KCNQ4: variants seen among roughly 807,000 people sequenced by gnomAD.
KCNQ4 encodes the protein potassium voltage-gated channel subfamily Q member 4.
In KCNQ4, 31 loss-of-function variants were observed where a neutral mutation model predicts 72.6. That is an observed-to-expected ratio of 0.43 (90% CI 0.32 to 0.58). The LOEUF is 0.58. KCNQ4 is among the 20% of genes least tolerant of loss of function. KCNQ4 has a pLI of 0.08. For missense variants in KCNQ4, 869 were observed against 962.6 expected (o/e 0.90, Z 1.29); for synonymous variants, 405 against 403.7 (o/e 1.00, Z -0.04).
intron 1 of KCNQ4, among the ~76,000 whole-genome samples, chr1:40,785,621 A>G (rs1333230297): frequency 1.3e-5 from 2 of 151,282 alleles, no homozygotes; most frequent in African/African-American, 4.9e-5. Context: ...GTTTCCATCC[A>G]TCTGTGGCCT....
intron 1 of KCNQ4, among the ~76,000 whole-genome samples, chr1:40,809,613 G>C (rs890653123): frequency 6.6e-6 from 1 of 152,134 alleles, no homozygotes; most frequent in Non-Finnish European, 1.5e-5. Flanking sequence ...CCTCTTCCCT[G>C]CTGCCACCAC....
chr1:40,787,941 T>C (rs912395525), intron 1 of KCNQ4, among the ~76,000 whole-genome samples: 1 of 152,156 alleles, frequency 6.6e-6, no homozygotes, highest in African/African-American at 2.4e-5. Flanking sequence ...GCCGCAGGCC[T>C]GCCGCTCCCA....
In KCNQ4 at chr1:40,799,052, C is replaced by T. The variant is rs566381676; in HGVS notation, c.314+14645C>T. Among the ~76,000 whole-genome samples the T allele has an allele frequency of 5.3e-4, 81 of 152,390 alleles. No individual in the cohort carries two copies. In the Middle Eastern group the frequency reaches 0.014, roughly 26 times the overall value. ...TCCTAATCCAAGGGCTGCAGCCCTC[C>T]CTCTGTCTTGGCCAGGGCCGTGGGA... is the stretch of plus-strand genomic sequence containing the variant. On this transcript the variant is annotated intron_variant, in intron 1 of 13. Coordinates refer to ENST00000347132, the MANE Select transcript of KCNQ4 (RefSeq NM_004700.4).
At chr1:40,820,309 A>G (rs1400016435) in intron 7 of KCNQ4, 49 bp downstream of exon 7, 10 of 1,448,510 alleles carry the variant, frequency 6.9e-6, no homozygotes, top group Non-Finnish European at 9.5e-6. Flanking sequence ...GTGTGACTGC[A>G]CTGGTGTGTC....
At position 40,820,292 on chromosome 1, in the gene KCNQ4, C is replaced by G. The variant is rs112135594; in HGVS notation, c.1041+32C>G. On this transcript the variant is annotated intron_variant, in intron 7 of 13. Coordinates refer to ENST00000347132, the MANE Select transcript of KCNQ4 (RefSeq NM_004700.4). ...GATGCCCGGGAAGAAGCCCTAGGAG[C>G]AGGGCCGTGTGACTGCACTGGTGTG... is the stretch of plus-strand genomic sequence containing the variant. The G allele has an allele frequency of 4.2e-4, 653 of 1,544,434 alleles. 4 individuals carry two copies. The African/African-American group carries it at 7.7e-3, about 18-fold the overall frequency.
chr1:40,793,205 T>C (rs1270738764), intron 1 of KCNQ4, among the ~76,000 whole-genome samples: 6 of 151,546 alleles, frequency 4.0e-5, no homozygotes, highest in Non-Finnish European at 4.4e-5. Context: ...GGTCTTGCTA[T>C]GTTGTCCAGG....
At chr1:40,832,168 C>A (rs755194391) in intron 10 of KCNQ4, among the ~76,000 whole-genome samples, 10 of 152,264 alleles carry the variant, frequency 6.6e-5, no homozygotes, top group Admixed American at 1.3e-4. Flanking sequence ...TGGAAGACTT[C>A]TCCCAGCTTT....
At position 40,807,555 on chromosome 1, in the gene KCNQ4, G is replaced by T. The variant is rs573510783; in HGVS notation, c.315-9710G>T. ...TTCTTGGAAAGAGCCTCGCTCTGAGGCCTGGCTTACTGCCCCTCCCCTTAT... is the reference window on the plus strand; with the variant it reads ...TTCTTGGAAAGAGCCTCGCTCTGAGTCCTGGCTTACTGCCCCTCCCCTTAT... On this transcript the variant is annotated intron_variant, in intron 1 of 13. Coordinates refer to ENST00000347132, the MANE Select transcript of KCNQ4 (RefSeq NM_004700.4). Among the ~76,000 whole-genome samples the T allele has an allele frequency of 5.9e-5, 9 of 152,314 alleles. No homozygotes were observed. In the South Asian group the frequency reaches 1.9e-3, roughly 32 times the overall value.
At chr1:40,829,083 G>A (rs958386193) in intron 9 of KCNQ4, among the ~76,000 whole-genome samples, 1 of 152,262 alleles carries the variant, frequency 6.6e-6, no homozygotes, top group Non-Finnish European at 1.5e-5. Context: ...TGACAGGGAG[G>A]TTGCCCTCTT....
intron 1 of KCNQ4, among the ~76,000 whole-genome samples, chr1:40,790,750 G>T (rs1647265309): frequency 6.6e-6 from 1 of 152,234 alleles, no homozygotes; most frequent in Non-Finnish European, 1.5e-5. Flanking sequence ...CAGGGAGCCA[G>T]AGAGAGCTAG....
At chr1:40,822,181 TG>T in intron 7 of KCNQ4, 132 bp from the exon 8 acceptor site, 1 of 738,348 alleles carries the variant, frequency 1.4e-6, no homozygotes, top group Non-Finnish European at 2.4e-6. Flanking sequence ...TCAGTGGCTG[TG>T]GAATTGGAAC....
At chr1:40,836,328 A>G (rs1176590070) in intron 12 of KCNQ4, among the ~76,000 whole-genome samples, 2 of 152,202 alleles carry the variant, frequency 1.3e-5, no homozygotes, top group Admixed American at 6.5e-5. Context: ...AAGAGGAAAA[A>G]TCGAGTTGCC....
In KCNQ4 at chr1:40,835,098, G is replaced by A. The variant is rs770523151; in HGVS notation, c.1745G>A (p.Arg582Gln). Residue 582 changes from arginine to glutamine, a missense_variant and splice_region_variant, in exon 12 of 14, where the codon CGG becomes CAG. By Grantham distance (43) the Arg-to-Gln change is conservative. Coordinates refer to ENST00000347132, the MANE Select transcript of KCNQ4 (RefSeq NM_004700.4). ...GGCCGGATCAAGAGCCTGCAAACTC[G>A]GTGGGTGCACCGGGCCTGTTGGGAG... Reference protein sequence around the residue: ...MLGRIKSLQTRVDQIVGRGPG... With the variant: ...MLGRIKSLQTQVDQIVGRGPG... 3 of 1,613,166 alleles carry A rather than the reference G, an allele frequency of 1.9e-6. No homozygotes were observed. Among genetic ancestry groups the A allele is most frequent in the Non-Finnish European group, 2.5e-6 (3 of 1,179,374 alleles).
In KCNQ4 at chr1:40,825,827, A is replaced by C. The variant is rs563399389; in HGVS notation, c.1292+1569A>C. Among the ~76,000 whole-genome samples the C allele has an allele frequency of 2.6e-5, 4 of 152,260 alleles. No homozygotes were observed. The East Asian group carries it at 7.7e-4, about 29-fold the overall frequency. On this transcript the variant is annotated intron_variant, in intron 9 of 13. Transcript: ENST00000347132. Reference sequence around the variant, plus strand: ...TTGACTGAATAGGAAGGCAAGGGGAATGGACATTAGCCTGGGGCCTAGTAC... The same window carrying C: ...TTGACTGAATAGGAAGGCAAGGGGACTGGACATTAGCCTGGGGCCTAGTAC...
chr1:40,830,180 C>G (rs1213408951), intron 9 of KCNQ4, among the ~76,000 whole-genome samples: 1 of 152,120 alleles, frequency 6.6e-6, no homozygotes, highest in East Asian at 1.9e-4. Flanking sequence ...GGATGTCAAT[C>G]AAGGTGGGCT....
At chr1:40,823,553 G>A (rs1309152578) in intron 8 of KCNQ4, among the ~76,000 whole-genome samples, 1 of 152,172 alleles carries the variant, frequency 6.6e-6, no homozygotes, top group Non-Finnish European at 1.5e-5. Flanking sequence ...CAATGGGAAG[G>A]CAGGCAGGAG....
intron 1 of KCNQ4, among the ~76,000 whole-genome samples, chr1:40,797,091 CAG>C (rs1647436978): frequency 1.3e-5 from 2 of 152,348 alleles, no homozygotes; most frequent in South Asian, 4.1e-4. Flanking sequence ...GGCCCTGTGC[CAG>C]ACTCTGGGGA....
At chr1:40,827,405 C>T (rs546234791) in intron 9 of KCNQ4, among the ~76,000 whole-genome samples, 4 of 152,208 alleles carry the variant, frequency 2.6e-5, no homozygotes, top group Middle Eastern at 3.4e-3. Context: ...TGAAGCAGCA[C>T]GGACCCAAGC....
At chr1:40,829,626 ATCTCT>A (rs1453186485) in intron 9 of KCNQ4, among the ~76,000 whole-genome samples, 1 of 151,958 alleles carries the variant, frequency 6.6e-6, no homozygotes, top group Non-Finnish European at 1.5e-5. Flanking sequence ...CGAAACCAGA[ATCTCT>A]TCTCTGCTCA....
Sources: gnomAD v4.1 joint callset for allele counts (sites outside exome capture counted in the v4.1 genomes callset) on GRCh38, gnomAD v4.1.1 for gene constraint, MANE v1.5 for transcripts, NCBI Gene and HGNC (gene_info 2026-07-23, HGNC 2026-07-21) for gene names.